Variants in NTM observed in about 807,000 individuals in gnomAD.
NTM encodes neurotrimin, also known as IgLON family member 2.
In NTM, 13 loss-of-function variants were observed where a neutral mutation model predicts 42.1. The ratio of observed to expected loss-of-function variants is 0.31; its 90% CI spans 0.20 to 0.49. The LOEUF (loss-of-function observed/expected upper bound fraction) is 0.49, where lower values mean the gene tolerates loss of function less well. Ranked by LOEUF, NTM falls within the 20% of genes least tolerant of loss-of-function variation. The probability of loss-of-function intolerance (pLI) is 0.99; values close to 1 mark genes in which losing one functional copy is unlikely to be tolerated. For synonymous variants in NTM, 187 were observed against 179.2 expected, an observed-to-expected ratio of 1.04 and a Z score of -0.35; for missense variants, 373 against 452.8, an observed-to-expected ratio of 0.82 and a Z score of 1.60.
chr11:132,027,591 T>G (rs1242786811), intron 2 of NTM, among the ~76,000 whole-genome samples: 1 of 152,190 alleles, frequency 6.6e-6, no homozygotes, highest in Non-Finnish European at 1.5e-5. Flanking sequence ...TATGCATGGT[T>G]TCTGAAGAGA....
At chr11:131,411,618 T>C (rs193205618) in intron 1 of NTM, among the ~76,000 whole-genome samples, 2 of 144,534 alleles carry the variant, frequency 1.4e-5, no homozygotes, top group East Asian at 4.5e-4. Flanking sequence ...CAAGTAACAT[T>C]GAGATGACTG....
intron 2 of NTM, among the ~76,000 whole-genome samples, chr11:132,106,603 C>T (rs2062404780): frequency 6.6e-6 from 1 of 152,232 alleles, no homozygotes; most frequent in South Asian, 2.1e-4. Context: ...TTGGCATTTG[C>T]ACAGCTTCCT....
At chr11:131,694,207 C>T (rs1021935900) in intron 1 of NTM, among the ~76,000 whole-genome samples, 2 of 152,152 alleles carry the variant, frequency 1.3e-5, no homozygotes, top group Non-Finnish European at 2.9e-5. Flanking sequence ...AATGGTGCCT[C>T]GCATAGGAGA....
chr11:131,667,584 G>A (rs2069298987), intron 1 of NTM, among the ~76,000 whole-genome samples: 2 of 152,166 alleles, frequency 1.3e-5, no homozygotes, highest in Non-Finnish European at 2.9e-5. Flanking sequence ...CTGGAACCAT[G>A]TGAGTACTAA....
chr11:132,274,518 T>C lies in NTM; in HGVS notation c.527-33171T>C, dbSNP rs549179580. Among the ~76,000 whole-genome samples, 7 of 152,290 alleles carry C rather than the reference T, an allele frequency of 4.6e-5. No homozygotes were observed. The South Asian group carries it at 1.4e-3, about 32-fold the overall frequency. On this transcript the variant is annotated intron_variant, in intron 4 of 8. Transcript: ENST00000683400. Reference sequence around the variant, plus strand: ...TCTTATATGTAATAAATTCCAAGTTTCCTTTGGCTCATTGGTTATTTAGAA... The same window carrying C: ...TCTTATATGTAATAAATTCCAAGTTCCCTTTGGCTCATTGGTTATTTAGAA...
intron 1 of NTM, among the ~76,000 whole-genome samples, chr11:131,857,847 C>T (rs1343147407): frequency 6.6e-6 from 1 of 152,168 alleles, no homozygotes; most frequent in African/African-American, 2.4e-5. Context: ...GCTAGATGAC[C>T]TTTCTAAACT....
At chr11:131,929,921 C>T (rs1340318642) in intron 2 of NTM, among the ~76,000 whole-genome samples, 1 of 152,208 alleles carries the variant, frequency 6.6e-6, no homozygotes, top group Non-Finnish European at 1.5e-5. Flanking sequence ...GTCATGAATG[C>T]ATCAGCAAAG....
At chr11:132,268,277 A>T (rs151042580) in intron 4 of NTM, among the ~76,000 whole-genome samples, 335 of 152,304 alleles carry the variant, frequency 2.2e-3, no homozygotes, top group African/African-American at 7.5e-3. Flanking sequence ...TTAAGTCATG[A>T]TGCCTCAGCC....
chr11:131,453,251 A>T (rs528177938), intron 1 of NTM, among the ~76,000 whole-genome samples: 58 of 152,350 alleles, frequency 3.8e-4, no homozygotes, highest in African/African-American at 1.3e-3. Flanking sequence ...AGGTTGGGAC[A>T]TAGGAGAAGA....
intron 1 of NTM, among the ~76,000 whole-genome samples, chr11:131,744,049 G>A (rs1483039435): frequency 6.6e-6 from 1 of 152,152 alleles, no homozygotes; most frequent in African/African-American, 2.4e-5. Flanking sequence ...CCATACTTGA[G>A]AAGCAGGTCC....
chr11:131,536,222 T>A (rs1249345367), intron 1 of NTM: 1 of 152,230 alleles, frequency 6.6e-6, no homozygotes, highest in African/African-American at 2.4e-5. Flanking sequence ...AAGGTACTTG[T>A]ACCCCTAAAA....
intron 1 of NTM, among the ~76,000 whole-genome samples, chr11:131,427,269 G>A (rs142642052): frequency 6.6e-6 from 1 of 152,180 alleles, no homozygotes; most frequent in East Asian, 1.9e-4. Flanking sequence ...AATAAGGTCT[G>A]GGATAAAAAA....
At chr11:131,442,492 G>C (rs1283409922) in intron 1 of NTM, among the ~76,000 whole-genome samples, 1 of 152,122 alleles carries the variant, frequency 6.6e-6, no homozygotes, top group African/African-American at 2.4e-5. Context: ...TAATGACAGG[G>C]ATTGGGCTTC....
chr11:131,851,428 G>A (rs1565629208), intron 1 of NTM, among the ~76,000 whole-genome samples: 4 of 152,064 alleles, frequency 2.6e-5, no homozygotes. Context: ...TTGTTGTATG[G>A]CTAACATTTT....
intron 1 of NTM, among the ~76,000 whole-genome samples, chr11:131,848,284 A>T (rs950920240): frequency 9.2e-5 from 14 of 152,238 alleles, no homozygotes; most frequent in Non-Finnish European, 1.8e-4. Context: ...CTGTAGATGA[A>T]GACATGATAC....
intron 2 of NTM, among the ~76,000 whole-genome samples, chr11:132,046,995 C>A (rs1443721637): frequency 6.6e-6 from 1 of 152,210 alleles, no homozygotes; most frequent in Non-Finnish European, 1.5e-5. Context: ...CTAGGAATTT[C>A]AAAGTTAATC....
chr11:131,398,668 G>A (rs1488636379), intron 1 of NTM, among the ~76,000 whole-genome samples: 1 of 152,000 alleles, frequency 6.6e-6, no homozygotes, highest in Non-Finnish European at 1.5e-5. Flanking sequence ...CATGATTATG[G>A]CCTTATTCCA....
chr11:131,509,793 G>A (rs207472526), intron 1 of NTM, among the ~76,000 whole-genome samples: 4 of 152,180 alleles, frequency 2.6e-5, no homozygotes, highest in African/African-American at 9.7e-5. Context: ...AGCTCAAAGA[G>A]GTAAAGGAGA....
chr11:132,229,750 C>T (rs2087100477), intron 4 of NTM, among the ~76,000 whole-genome samples: 1 of 152,166 alleles, frequency 6.6e-6, no homozygotes, highest in Admixed American at 6.5e-5. Context: ...GGCCCAGAGC[C>T]TGGCTCTGGG....
Sources: allele counts gnomAD v4.1 joint callset (sites outside exome capture counted in the v4.1 genomes callset), GRCh38; gene constraint gnomAD v4.1.1; transcripts MANE v1.5; gene names NCBI Gene and HGNC (gene_info 2026-07-23, HGNC 2026-07-21).